DIP2C: variants seen among roughly 807,000 people sequenced by gnomAD.
DIP2C encodes the protein disco-interacting protein 2 homolog C.
Under a neutral mutation model 192.4 loss-of-function variants are expected in DIP2C, and 33 were observed. The observed-to-expected ratio is 0.17, with a 90% confidence interval of 0.13 to 0.23. The LOEUF is 0.23. DIP2C is among the 10% of genes least tolerant of loss of function. The pLI is 1.00. For missense variants in DIP2C, 1,537 were observed against 2,110.1 expected (o/e 0.73, Z 5.32); for synonymous variants, 979 against 864.1 (o/e 1.13, Z -2.33).
chr10:468,010 G>A (rs999900983), intron 3 of DIP2C, among the ~76,000 whole-genome samples: 2 of 152,250 alleles, frequency 1.3e-5, no homozygotes, highest in East Asian at 3.9e-4. Flanking sequence ...TAGCTCTACT[G>A]CAAGATGAGT....
intron 1 of DIP2C, among the ~76,000 whole-genome samples, chr10:601,796 G>A (rs1205049795): frequency 6.6e-6 from 1 of 152,238 alleles, no homozygotes; most frequent in Non-Finnish European, 1.5e-5. Context: ...AGCGGCTGGG[G>A]ACGCAGGCGA....
At chr10:582,695 G>T (rs879227407) in intron 1 of DIP2C, among the ~76,000 whole-genome samples, 1 of 152,240 alleles carries the variant, frequency 6.6e-6, no homozygotes. Flanking sequence ...AGAAAAGCGT[G>T]TCTCCAAACC....
chr10:478,600 G>A (rs1364281736), intron 2 of DIP2C, among the ~76,000 whole-genome samples: 2 of 151,220 alleles, frequency 1.3e-5, no homozygotes, highest in African/African-American at 2.4e-5. Context: ...CGGGCGTGCT[G>A]GGGCTGCAGA....
At chr10:649,489 T>A (rs1157998238) in intron 1 of DIP2C, among the ~76,000 whole-genome samples, 2 of 152,234 alleles carry the variant, frequency 1.3e-5, no homozygotes, top group Admixed American at 1.3e-4. Flanking sequence ...AAGAAAGCAA[T>A]TTTTCTTATT....
intron 1 of DIP2C, among the ~76,000 whole-genome samples, chr10:606,148 G>A (rs1394266169): frequency 1.3e-5 from 2 of 152,226 alleles, no homozygotes; most frequent in Admixed American, 6.5e-5. Context: ...TGCTTTCTGG[G>A]TTCTAAGTTG....
At chr10:314,412 C>T (rs1295753607) in intron 31 of DIP2C, among the ~76,000 whole-genome samples, 1 of 152,222 alleles carries the variant, frequency 6.6e-6, no homozygotes, top group Non-Finnish European at 1.5e-5. Context: ...GGGGCTTCAG[C>T]TCAGCTTCCA....
At chr10:472,731 C>CAGGG (rs1970729607) in intron 2 of DIP2C, among the ~76,000 whole-genome samples, 182 bp from the exon 3 acceptor site, 3 of 152,316 alleles carry the variant, frequency 2.0e-5, no homozygotes, top group South Asian at 2.1e-4. Context: ...CTCCCACCGC[C>CAGGG]AGGGAGACCC....
chr10:674,783 T>TAG (rs1389637055), intron 1 of DIP2C, among the ~76,000 whole-genome samples: 8 of 96,660 alleles, frequency 8.3e-5, no homozygotes, highest in African/African-American at 3.4e-4. Context: ...TATATATATA[T>TAG]ATATATAGAG....
chr10:531,754 G>A (rs1430416275), intron 1 of DIP2C, among the ~76,000 whole-genome samples: 1 of 152,164 alleles, frequency 6.6e-6, no homozygotes, highest in African/African-American at 2.4e-5. Flanking sequence ...CATGAAGTCT[G>A]TGGAACCTCA....
chr10:578,264 G>A (rs890199587), intron 1 of DIP2C, among the ~76,000 whole-genome samples: 2 of 152,162 alleles, frequency 1.3e-5, no homozygotes, highest in African/African-American at 4.8e-5. Context: ...ACAACACTAG[G>A]AGGGATTTTG....
At chr10:644,047 G>A (rs1193830723) in intron 1 of DIP2C, among the ~76,000 whole-genome samples, 3 of 152,234 alleles carry the variant, frequency 2.0e-5, no homozygotes, top group Admixed American at 6.5e-5. Context: ...AGGTGGCTTA[G>A]GAAGCTGCGG....
chr10:539,919 C>T (rs1311535780), intron 1 of DIP2C, among the ~76,000 whole-genome samples: 1 of 152,148 alleles, frequency 6.6e-6, no homozygotes, highest in Non-Finnish European at 1.5e-5. Context: ...ACATTACAAA[C>T]CCCTAAATAT....
At chr10:535,690 C>G (rs1282490593) in intron 1 of DIP2C, among the ~76,000 whole-genome samples, 1 of 152,108 alleles carries the variant, frequency 6.6e-6, no homozygotes, top group Admixed American at 6.5e-5. Flanking sequence ...ATGTTACAGT[C>G]TGATCATAAA....
At chr10:403,633 C>T (rs982097583) in intron 9 of DIP2C, among the ~76,000 whole-genome samples, 2 of 120,244 alleles carry the variant, frequency 1.7e-5, no homozygotes, top group Non-Finnish European at 3.5e-5. Flanking sequence ...TAGCATTACT[C>T]TTCCTTATGG....
At chr10:673,990 TG>T (rs1427560875) in intron 1 of DIP2C, among the ~76,000 whole-genome samples, 1 of 152,230 alleles carries the variant, frequency 6.6e-6, no homozygotes, top group Non-Finnish European at 1.5e-5. Flanking sequence ...GTCCCTCACT[TG>T]TATGGAAATC....
At chr10:657,082 CCACTGGACTTGA>C (rs1856389244) in intron 1 of DIP2C, among the ~76,000 whole-genome samples, 1 of 151,302 alleles carries the variant, frequency 6.6e-6, no homozygotes, top group Admixed American at 6.6e-5. Flanking sequence ...GCTGGACTTG[CCACTGGACTTGA>C]CACTGGACCT....
chr10:584,488 T>C (rs1435059128), intron 1 of DIP2C, among the ~76,000 whole-genome samples: 7 of 123,958 alleles, frequency 5.6e-5, no homozygotes, highest in African/African-American at 2.2e-4. Flanking sequence ...TGGCCCCCAC[T>C]CACGCGCATC....
chr10:369,396 A>G (rs775668603), intron 18 of DIP2C, 98 bp downstream of exon 18: 4 of 1,435,808 alleles, frequency 2.8e-6, no homozygotes, highest in East Asian at 2.5e-5. Flanking sequence ...AGGGCACACC[A>G]CGGGAACGCG....
rs74643209 is a variant in DIP2C at position 292,699 on chromosome 10, C to T, written c.3987-4278G>A. 6.7e-3 allele frequency among the ~76,000 whole-genome samples: 1,019 copies of T among 152,360 alleles called. 7 individuals are homozygous for T. The highest frequency in any genetic ancestry group is 0.011 in the Non-Finnish European group (766 of 68,042). ...TGCCTCCTGGCATCACACGTCTGGC[C>T]TCCTGGGAACAGGTGGGAAGGTGCT... On this transcript the variant is annotated intron_variant, in intron 32 of 36. Coordinates refer to ENST00000280886, the MANE Select transcript of DIP2C (RefSeq NM_014974.3).
Sources: allele counts gnomAD v4.1 joint callset (sites outside exome capture counted in the v4.1 genomes callset), GRCh38; gene constraint gnomAD v4.1.1; transcripts MANE v1.5; gene names NCBI Gene and HGNC (gene_info 2026-07-23, HGNC 2026-07-21).